PDE1C: variants seen among roughly 807,000 people sequenced by gnomAD.
The protein encoded by PDE1C is dual specificity calcium/calmodulin-dependent 3',5'-cyclic nucleotide phosphodiesterase 1C.
A neutral mutation model predicts 93.1 loss-of-function variants in PDE1C; 62 were observed. The observed-to-expected ratio is 0.67, with a 90% CI of 0.54 to 0.82. The LOEUF is 0.82. Ranked by LOEUF, PDE1C falls within the 40% of genes least tolerant of loss-of-function variation. The pLI is 0.00. For synonymous variants in PDE1C, 325 were observed against 310.1 expected (o/e 1.05, Z -0.50); for missense variants, 742 against 884.6 (o/e 0.84, Z 2.04).
At chr7:32,408,064 T>C (rs993878281) in intron 1 of PDE1C, among the ~76,000 whole-genome samples, 3 of 152,174 alleles carry the variant, frequency 2.0e-5, no homozygotes, top group Non-Finnish European at 4.4e-5. Context: ...ACTAGAGAAG[T>C]ATCTTTAGTA....
chr7:32,115,063 T>G (rs1798910806), intron 3 of PDE1C, among the ~76,000 whole-genome samples: 1 of 152,178 alleles, frequency 6.6e-6, no homozygotes, highest in African/African-American at 2.4e-5. Context: ...TGGTGATTCC[T>G]CAAGGATCTA....
rs1202256808 is a variant in PDE1C at position 32,350,590 on chromosome 7, A to ATT, written c.310+77230_310+77231dup. 8.3e-3 allele frequency among the ~76,000 whole-genome samples: 26 copies of ATT among 3,124 alleles called. 2 individuals carry two copies. Among genetic ancestry groups the ATT allele is most frequent in the African/African-American group, 9.7e-3 (26 of 2,694 alleles). The allele number at this position is 3,124 out of a possible 152,430, so 2.0% of individuals were successfully genotyped here. On this transcript the variant is annotated intron_variant, in intron 1 of 1. Coordinates refer to the PDE1C transcript ENST00000672256. ...TATATATATATATATATATATATAT[A>ATT]TTTTTTTTTTTTTTTTTATTATACT... is the stretch of plus-strand genomic sequence containing the variant.
At chr7:31,624,931 AAAC>A in the PDE1C span, among the ~76,000 whole-genome samples, 1 of 152,222 alleles carries the variant, frequency 6.6e-6, no homozygotes, top group Non-Finnish European at 1.5e-5. Flanking sequence ...TACAAGAAAA[AAAC>A]AAACAACCCC....
intron 1 of PDE1C, among the ~76,000 whole-genome samples, chr7:32,378,160 A>C (rs1784465865): frequency 1.3e-5 from 2 of 152,118 alleles, no homozygotes; most frequent in Non-Finnish European, 2.9e-5. Context: ...GTTTTATGTC[A>C]GCCCCCCACC....
intron 2 of PDE1C, among the ~76,000 whole-genome samples, chr7:32,050,158 G>C (rs1256798873): frequency 6.6e-6 from 1 of 152,140 alleles, no homozygotes; most frequent in Non-Finnish European, 1.5e-5. Flanking sequence ...TAAGCAATAG[G>C]AATTTTTTAG....
intron 1 of PDE1C, among the ~76,000 whole-genome samples, chr7:32,266,919 G>A (rs995267840): frequency 1.4e-5 from 2 of 140,380 alleles, no homozygotes; most frequent in East Asian, 2.5e-4. Context: ...GGGTGGGGGG[G>A]TGCGCTGGAG....
At chr7:32,267,320 T>C (rs972611207) in intron 1 of PDE1C, among the ~76,000 whole-genome samples, 4 of 152,138 alleles carry the variant, frequency 2.6e-5, no homozygotes, top group Admixed American at 2.0e-4. Flanking sequence ...AGGCCATGGC[T>C]CTGGAGTTTG....
At chr7:31,814,118 T>G (rs1252175761) in intron 15 of PDE1C, among the ~76,000 whole-genome samples, 1 of 151,594 alleles carries the variant, frequency 6.6e-6, no homozygotes, top group Non-Finnish European at 1.5e-5. Context: ...CACAATTTCT[T>G]TATCCATTCA....
intron 2 of PDE1C, among the ~76,000 whole-genome samples, chr7:31,998,326 T>G (rs1056222377): frequency 4.6e-5 from 7 of 152,134 alleles, no homozygotes; most frequent in African/African-American, 1.7e-4. Context: ...GCCAGAAACG[T>G]CTTATTTTTA....
chr7:32,420,165 A>ATG lies in PDE1C; in HGVS notation c.310+7655_310+7656dup, dbSNP rs1282714074. Among the ~76,000 whole-genome samples the ATG allele has an allele frequency of 7.3e-5, 4 of 54,962 alleles. 1 individual carries two copies. The highest frequency in any genetic ancestry group is 2.9e-4 in the Admixed American group (1 of 3,480). 36.1% of individuals were successfully genotyped at this position (54,962 alleles called of 152,430 possible). On this transcript the variant is annotated intron_variant, in intron 1 of 1. Coordinates refer to the PDE1C transcript ENST00000672256. ...CACACACACACACACACACATATAT[A>ATG]TGTGTATATATATACACATATATAT...
At chr7:31,980,640 T>C (rs1812261292) in intron 2 of PDE1C, among the ~76,000 whole-genome samples, 1 of 152,208 alleles carries the variant, frequency 6.6e-6, no homozygotes, top group Non-Finnish European at 1.5e-5. Flanking sequence ...TACCACACCT[T>C]AGTGGCTTAA....
chr7:31,843,627 A>T (rs939075405), intron 9 of PDE1C, among the ~76,000 whole-genome samples: 1 of 151,800 alleles, frequency 6.6e-6, no homozygotes, highest in African/African-American at 2.4e-5. Flanking sequence ...CCTTTTTATC[A>T]ATTCTAATAA....
chr7:31,943,837 C>A (rs1219864052), intron 2 of PDE1C, among the ~76,000 whole-genome samples: 1 of 152,142 alleles, frequency 6.6e-6, no homozygotes, highest in Non-Finnish European at 1.5e-5. Context: ...AATGAAAAAA[C>A]GGCCAGTTCA....
intron 16 of PDE1C, among the ~76,000 whole-genome samples, chr7:31,794,425 G>GT (rs1785040299): frequency 6.6e-6 from 1 of 151,808 alleles, no homozygotes; most frequent in African/African-American, 2.4e-5. Context: ...TAACAATGAT[G>GT]TTAAACTCTT....
At chr7:31,906,556 A>G (rs1800609383) in intron 2 of PDE1C, among the ~76,000 whole-genome samples, 1 of 152,168 alleles carries the variant, frequency 6.6e-6, no homozygotes, top group Admixed American at 6.5e-5. Context: ...TGTTGAGTCA[A>G]CAACATTTTT....
At chr7:31,795,076 C>T (rs562731077) in intron 16 of PDE1C, among the ~76,000 whole-genome samples, 6 of 151,880 alleles carry the variant, frequency 4.0e-5, no homozygotes, top group Non-Finnish European at 8.8e-5. Context: ...AGCAGGATGC[C>T]CATCAGTGGA....
intron 3 of PDE1C, among the ~76,000 whole-genome samples, chr7:32,079,484 A>G (rs1000959474): frequency 2.6e-5 from 4 of 152,158 alleles, no homozygotes; most frequent in Admixed American, 6.5e-5. Flanking sequence ...AAAACAACCA[A>G]TTTTTCTCTC....
chr7:32,233,513 C>A (rs965975738), intron 1 of PDE1C, among the ~76,000 whole-genome samples: 5 of 151,872 alleles, frequency 3.3e-5, no homozygotes, highest in Admixed American at 6.6e-5. Flanking sequence ...AAACATCAAC[C>A]AACAGAAAGC....
At chr7:31,621,777 G>A in the PDE1C span, among the ~76,000 whole-genome samples, 1 of 148,144 alleles carries the variant, frequency 6.8e-6, no homozygotes, top group Non-Finnish European at 1.5e-5. Flanking sequence ...AAATGTAAAT[G>A]GACTAAATGC....
Sources: gnomAD v4.1 joint callset for allele counts (sites outside exome capture counted in the v4.1 genomes callset) on GRCh38, gnomAD v4.1.1 for gene constraint, MANE v1.5 for transcripts, NCBI Gene and HGNC (gene_info 2026-07-23, HGNC 2026-07-21) for gene names.